ZNF142: variants seen among roughly 807,000 people sequenced by gnomAD.
ZNF142 encodes zinc finger protein 142 (clone pHZ-49).
In ZNF142, 96 loss-of-function variants were observed where a neutral mutation model predicts 132.1. The observed-to-expected ratio is 0.73, with a 90% CI of 0.62 to 0.86. The LOEUF (loss-of-function observed/expected upper bound fraction) is 0.86, where lower values mean the gene tolerates loss of function less well. ZNF142 is among the 40% of genes least tolerant of loss of function. ZNF142 has a pLI of 0.00. For synonymous variants in ZNF142, 842 were observed against 890.1 expected (o/e 0.95, Z 0.96); for missense variants, 2,163 against 2,336.2 (o/e 0.93, Z 1.53).
chr2:218,651,957 C>T lies in ZNF142; in HGVS notation c.624G>A (p.Lys208=). ...SGCVFSAEDR[K]GLQHHLRQTH... ...TCTGCCTCAGGTGGTGCTGCAGACC[C>T]TTGCGATCTTCAGCAGAGAACACAC... is the stretch of plus-strand genomic sequence containing the variant. The change falls in exon 5 of 11, where the codon AAG becomes AAA. Residue 208 remains lysine (K), a synonymous_variant. Coordinates refer to ENST00000411696, the MANE Select transcript of ZNF142 (RefSeq NM_001379659.1). The T allele has an allele frequency of 9.9e-7, 1 of 1,010,814 alleles. No homozygotes were observed. 62.6% of individuals were successfully genotyped at this position (1,010,814 alleles called of 1,614,324 possible).
chr2:218,648,234 C>A (rs1362444691), intron 7 of ZNF142, among the ~76,000 whole-genome samples: 2 of 152,210 alleles, frequency 1.3e-5, no homozygotes, highest in Non-Finnish European at 2.9e-5. Flanking sequence ...AGGCCATATG[C>A]GTGTGGATGG....
At position 218,636,303 on chromosome 2, in the gene ZNF142, T is replaced by C; in HGVS notation, c.*2036A>G. On this transcript the variant is annotated 3_prime_UTR_variant, in exon 11 of 11. Coordinates refer to ENST00000411696, the MANE Select transcript of ZNF142 (RefSeq NM_001379659.1). ...CGGGTGCTGGTGCCTGAACTTGCCATGCTGCGTTTTGTGGTAATGGATTAT... is the reference window on the plus strand; with the variant it reads ...CGGGTGCTGGTGCCTGAACTTGCCACGCTGCGTTTTGTGGTAATGGATTAT... The C allele has an allele frequency of 6.2e-7, 1 of 1,614,062 alleles. No individual in the cohort carries two copies. The highest frequency in any genetic ancestry group is 8.5e-7 in the Non-Finnish European group (1 of 1,179,898).
Position 218,633,408 on chromosome 2 carries a change from GTCCGTCTATC to G in ZNF142, c.*4921_*4930del, listed in dbSNP as rs1696501644. 1.4e-6 allele frequency: 1 copy of G among 728,482 alleles called. No homozygotes were observed. Among genetic ancestry groups the G allele is most frequent in the Non-Finnish European group, 2.5e-6 (1 of 407,520 alleles). The allele number at this position is 728,482 out of a possible 1,614,324, so 45.1% of individuals were successfully genotyped here. ...CAGGTTGTGACGTGCCCGCTGTTTTGTCCGTCTATCTGTTGTCAGATTGTGGCCCAGGCTC... is the reference window on the plus strand; with the variant it reads ...CAGGTTGTGACGTGCCCGCTGTTTTGTGTTGTCAGATTGTGGCCCAGGCTC... On this transcript the variant is annotated 3_prime_UTR_variant, in exon 11 of 11. Transcript: ENST00000411696.
chr2:218,653,768 T>G (rs1938233983), intron 4 of ZNF142, among the ~76,000 whole-genome samples: 1 of 152,174 alleles, frequency 6.6e-6, no homozygotes, highest in South Asian at 2.1e-4. Flanking sequence ...CTTATCCAGT[T>G]CATGTTTTTT....
At chr2:218,648,364 TG>T (rs1479102107) in intron 7 of ZNF142, among the ~76,000 whole-genome samples, 2 of 152,208 alleles carry the variant, frequency 1.3e-5, no homozygotes, top group Non-Finnish European at 2.9e-5. Flanking sequence ...TGACTAGGGG[TG>T]GGCAGAACTG....
Position 218,644,257 on chromosome 2 carries a change from T to C in ZNF142, c.2859A>G (p.Glu953=). The change falls in exon 9 of 11, where the codon GAA becomes GAG. Residue 953 remains glutamate, a synonymous_variant. Coordinates refer to ENST00000411696, the MANE Select transcript of ZNF142 (RefSeq NM_001379659.1). The surrounding 1 kb of genome is among the most constrained non-coding windows in gnomAD (Gnocchi z 4.6). ...CTGGCTTTTCCAGAAGGGGATTTTCTTCAGCACTCAAGTCAGAAGTCCCAA... is the reference window on the plus strand; with the variant it reads ...CTGGCTTTTCCAGAAGGGGATTTTCCTCAGCACTCAAGTCAGAAGTCCCAA... ...EGIGTSDLSA[E]ENPLLEKPVS... is the part of the protein sequence containing the mutation. 1 of 1,614,086 alleles carries C rather than the reference T, an allele frequency of 6.2e-7. No homozygotes were observed. Among genetic ancestry groups the C allele is most frequent in the Non-Finnish European group, 8.5e-7 (1 of 1,179,990 alleles).
chr2:218,644,321 T>C lies in ZNF142; in HGVS notation c.2795A>G (p.Asp932Gly). 6.2e-7 allele frequency: 1 copy of C among 1,614,132 alleles called. No homozygotes were observed. Among genetic ancestry groups the C allele is most frequent in the Non-Finnish European group, 8.5e-7 (1 of 1,180,022 alleles). The stretch of plus-strand genomic sequence containing the variant: ...AGATAGCTCTGGTCCTTCCAGTCCA[T>C]CTGGCCCTTCCAGTCCCAGGGGCCT... ...EFRPLGLEGPDGLEGPELSSF... is the reference protein window; with the variant it reads ...EFRPLGLEGPGGLEGPELSSF... The change falls in exon 9 of 11, where the codon GAT becomes GGT. Residue 932 changes from aspartate (D) to glycine (G), a missense_variant. Transcript: ENST00000411696. The surrounding 1 kb of genome is among the most constrained non-coding windows in gnomAD (Gnocchi z 4.6).
chr2:218,633,962 G>C lies in ZNF142; in HGVS notation c.*4377C>G. 7.9e-7 allele frequency: 1 copy of C among 1,268,582 alleles called. No individual in the cohort carries two copies. The highest frequency in any genetic ancestry group is 1.1e-6 in the Non-Finnish European group (1 of 915,604). The allele number at this position is 1,268,582 out of a possible 1,614,324, so 78.6% of individuals were successfully genotyped here. ...AGGGGCAGGAAAGCTGGTCTGGATG[G>C]ACAGAGTAGAGAGGCACAGTGAAAC... On this transcript the variant is annotated 3_prime_UTR_variant, in exon 11 of 11. Coordinates refer to ENST00000411696, the MANE Select transcript of ZNF142 (RefSeq NM_001379659.1).
intron 8 of ZNF142, 103 bp from the exon 9 acceptor site, chr2:218,645,167 A>G: frequency 7.1e-7 from 1 of 1,416,434 alleles, no homozygotes. Flanking sequence ...ACTCAGTATC[A>G]TACATGTGTC....
At chr2:218,657,125 C>T (rs1199558893) in intron 3 of ZNF142, among the ~76,000 whole-genome samples, 2 of 152,004 alleles carry the variant, frequency 1.3e-5, no homozygotes, top group East Asian at 3.9e-4. Flanking sequence ...GTCCCTTTCC[C>T]TCTTAACCTT....
At position 218,634,376 on chromosome 2, in the gene ZNF142, A is replaced by T. The variant is rs1053811496; in HGVS notation, c.*3963T>A. On this transcript the variant is annotated 3_prime_UTR_variant, in exon 11 of 11. Transcript: ENST00000411696. The surrounding 1 kb of genome is among the most constrained non-coding windows in gnomAD (Gnocchi z 4.0). ...TACCAGCAGGTACCGTGCACCCAGTACCTATCTTCTTAACTCCCTGAAAGA... is the reference window on the plus strand; with the variant it reads ...TACCAGCAGGTACCGTGCACCCAGTTCCTATCTTCTTAACTCCCTGAAAGA... 3 of 1,574,160 alleles carry T rather than the reference A, an allele frequency of 1.9e-6. No individual in the cohort carries two copies. The African/African-American group carries it at 4.1e-5, about 21-fold the overall frequency.
At position 218,643,613 on chromosome 2, in the gene ZNF142, C is replaced by A; in HGVS notation, c.3503G>T (p.Gly1168Val). 1 of 1,557,976 alleles carries A rather than the reference C, an allele frequency of 6.4e-7. No individual in the cohort carries two copies. Among genetic ancestry groups the A allele is most frequent in the Non-Finnish European group, 8.7e-7 (1 of 1,153,820 alleles). Reference sequence around the variant, plus strand: ...AGGGGCCTCTGTGGGCAAGGAGTTTCCTGCAGGAGGGACTGGGGAACCAGA... The same window carrying A: ...AGGGGCCTCTGTGGGCAAGGAGTTTACTGCAGGAGGGACTGGGGAACCAGA... ...TVSGSPVPPA[G>V]NSLPTEAPKK... is the part of the protein sequence containing the mutation. Residue 1168 changes from glycine to valine, a missense_variant, in exon 9 of 11, where the codon GGA (glycine) becomes GTA (valine). Physicochemically the swap from Gly to Val is moderately radical, Grantham distance 109. Coordinates refer to ENST00000411696, the MANE Select transcript of ZNF142 (RefSeq NM_001379659.1).
intron 9 of ZNF142, among the ~76,000 whole-genome samples, 160 bp from the exon 10 acceptor site, chr2:218,640,929 G>C (rs990131915): frequency 6.7e-6 from 1 of 149,384 alleles, no homozygotes; most frequent in Non-Finnish European, 1.5e-5. Context: ...ACTTGCTAGG[G>C]ATTTTTTTTT....
chr2:218,652,844 C>A (rs1450698149), intron 4 of ZNF142, among the ~76,000 whole-genome samples: 1 of 152,156 alleles, frequency 6.6e-6, no homozygotes, highest in Non-Finnish European at 1.5e-5. Context: ...CCTCCAACAG[C>A]CCTATGACAA....
chr2:218,634,451 C>A lies in ZNF142; in HGVS notation c.*3888G>T, dbSNP rs1278764909. On this transcript the variant is annotated 3_prime_UTR_variant, in exon 11 of 11. Coordinates refer to ENST00000411696, the MANE Select transcript of ZNF142 (RefSeq NM_001379659.1). This position sits in a 1 kb window ranked among gnomAD's most constrained non-coding sequence, Gnocchi z 4.0. The stretch of plus-strand genomic sequence containing the variant: ...ATCTTGCTCTTCTTTTCTCCTGGGG[C>A]CCTCAGTGGCCATGAATATGCAGAC... 1 of 1,608,038 alleles carries A rather than the reference C, an allele frequency of 6.2e-7. No homozygotes were observed. Among genetic ancestry groups the A allele is most frequent in the East Asian group, 2.2e-5 (1 of 44,838 alleles).
rs200895363 is a variant in ZNF142 at position 218,642,629 on chromosome 2, C to G, written c.4487G>C (p.Ser1496Thr). The change falls in exon 9 of 11, where the codon AGC (serine) becomes ACC (threonine). Residue 1496 changes from serine (S) to threonine (T), a missense_variant. Around this residue, in one of 7 missense-constraint regions of ZNF142, gnomAD observed 809 missense variants for 801.7 expected, o/e 1.01. Coordinates refer to ENST00000411696, the MANE Select transcript of ZNF142 (RefSeq NM_001379659.1). The surrounding 1 kb of genome is among the most constrained non-coding windows in gnomAD (Gnocchi z 4.6). The part of the protein sequence containing the change: ...FACSQCEAQF[S>T]SETALKQHAL... ...ATGCTGCTTAAGTGCTGTCTCTGAG[C>G]TGAACTGGGCTTCACACTGGGAGCA... 6.1e-5 allele frequency: 99 copies of G among 1,614,052 alleles called. No homozygotes were observed. The Admixed American group carries it at 1.1e-3, about 18-fold the overall frequency.
chr2:218,646,117 C>A, intron 8 of ZNF142, 54 bp downstream of exon 8: 1 of 1,582,276 alleles, frequency 6.3e-7, no homozygotes, highest in African/African-American at 1.3e-5. Context: ...CGAGAGGAAG[C>A]TAGCTTGGCT....
In ZNF142 at chr2:218,638,647, T is replaced by A; in HGVS notation, c.5356A>T (p.Lys1786Ter). The A allele has an allele frequency of 6.2e-7, 1 of 1,614,228 alleles. No individual in the cohort carries two copies. Among genetic ancestry groups the A allele is most frequent in the Non-Finnish European group, 8.5e-7 (1 of 1,180,056 alleles). Residue 1786 changes from lysine to a stop codon, truncating the protein, a stop_gained, in exon 11 of 11, where the codon AAG (lysine) becomes TAG (stop). Transcript: ENST00000411696. LOFTEE classifies it high-confidence loss of function. ...ACATAGGGTTTGGCCTCACTGTGCT[T>A]GCGAAGGTGGGTGCGCAGCAGGAAG... ...TRFLLRTHLR[K>*]HSEAKPYVCN... is the part of the protein sequence containing the mutation.
At position 218,642,888 on chromosome 2, in the gene ZNF142, T is replaced by C; in HGVS notation, c.4228A>G (p.Thr1410Ala). The C allele has an allele frequency of 6.2e-7, 1 of 1,613,936 alleles. No homozygotes were observed. Among genetic ancestry groups the C allele is most frequent in the Non-Finnish European group, 8.5e-7 (1 of 1,179,986 alleles). The change falls in exon 9 of 11, where the codon ACC (threonine) becomes GCC (alanine). Residue 1410 changes from threonine (T) to alanine (A), a missense_variant. Thr to Ala is a moderately conservative substitution (Grantham distance 58). Around this residue, in one of 7 missense-constraint regions of ZNF142, gnomAD observed 809 missense variants for 801.7 expected, o/e 1.01. Coordinates refer to ENST00000411696, the MANE Select transcript of ZNF142 (RefSeq NM_001379659.1). The surrounding 1 kb of genome is among the most constrained non-coding windows in gnomAD (Gnocchi z 4.6). ...HQCPFCDFST[T>A]RRYRLEAHQS... ...TGAGCCTCTAACCGGTACCGTCTGGTGGTCGAAAAGTCACAGAAGGGGCAC... is the reference window on the plus strand; with the variant it reads ...TGAGCCTCTAACCGGTACCGTCTGGCGGTCGAAAAGTCACAGAAGGGGCAC...
Sources: allele counts gnomAD v4.1 joint callset (sites outside exome capture counted in the v4.1 genomes callset), GRCh38; gene constraint gnomAD v4.1.1; regional missense constraint gnomAD v4.1.1; non-coding constraint Gnocchi (gnomAD v3.1); transcripts MANE v1.5; gene names NCBI Gene and HGNC (gene_info 2026-07-23, HGNC 2026-07-21).